The following DNMT3A variants were observed in gnomAD, a reference collection of about 807,000 sequenced individuals.
DNMT3A encodes the protein DNA (cytosine-5)-methyltransferase 3A.
Under a neutral mutation model 117.6 loss-of-function variants are expected in DNMT3A, and 267 were observed. The ratio of observed to expected loss-of-function variants is 2.27; its 90% CI spans 2.05 to 2.51. The LOEUF (loss-of-function observed/expected upper bound fraction) is 2.51, where lower values mean the gene tolerates loss of function less well. Ranked by LOEUF, DNMT3A falls within the 30% of genes most tolerant of loss-of-function variation. The pLI, the probability that DNMT3A is intolerant of heterozygous loss-of-function variation, is 0.00. For synonymous variants in DNMT3A, 432 were observed against 474.8 expected (o/e 0.91, Z 1.17); for missense variants, 1,029 against 1,260.2 (o/e 0.82, Z 2.78).
In DNMT3A at chr2:25,313,751, C is replaced by T. The variant is rs75195324; in HGVS notation, c.72+162G>A. Reference sequence around the variant, plus strand: ...CCAGAATTGAACCTCTGCAAGCCTCCGTTTCCTCATCACCCAAACAGGGAT... The same window carrying T: ...CCAGAATTGAACCTCTGCAAGCCTCTGTTTCCTCATCACCCAAACAGGGAT... On this transcript the variant is annotated intron_variant, in intron 2 of 22. Coordinates refer to ENST00000321117, the MANE Select transcript of DNMT3A (RefSeq NM_022552.5). 5.7e-3 allele frequency among the ~76,000 whole-genome samples: 869 copies of T among 152,336 alleles called. 14 individuals carry two copies. The highest frequency in any genetic ancestry group is 0.02 in the African/African-American group (825 of 41,572).
rs1675706980 is a variant in DNMT3A, at chr2:25,252,513, T to C, written c.640-4261A>G. Among the ~76,000 whole-genome samples, 1 of 151,216 alleles carries C rather than the reference T, an allele frequency of 6.6e-6. No individual in the cohort carries two copies. Among genetic ancestry groups the C allele is most frequent in the African/African-American group, 2.4e-5 (1 of 41,100 alleles). On this transcript the variant is annotated intron_variant, in intron 6 of 22. Transcript: ENST00000321117. The surrounding 1 kb of genome is among the most constrained non-coding windows in gnomAD (Gnocchi z 5.5). Reference sequence around the variant, plus strand: ...GGCGCGGGGCCGGGGGGCGAGGCCGTTCCCCGCCCGTTCCCAGGGCCCGCC... The same window carrying C: ...GGCGCGGGGCCGGGGGGCGAGGCCGCTCCCCGCCCGTTCCCAGGGCCCGCC...
intron 6 of DNMT3A, among the ~76,000 whole-genome samples, chr2:25,274,191 T>C (rs2031196912): frequency 6.6e-6 from 1 of 152,198 alleles, no homozygotes; most frequent in Non-Finnish European, 1.5e-5. Context: ...GCCAGACCCC[T>C]GTGAGTCCTC....
At position 25,281,025 on chromosome 2, in the gene DNMT3A, G is replaced by C. The variant is rs2031853113; in HGVS notation, c.448+1416C>G. 6.6e-6 allele frequency among the ~76,000 whole-genome samples: 1 copy of C among 152,140 alleles called. No individual in the cohort carries two copies. The highest frequency in any genetic ancestry group is 2.1e-4 in the South Asian group (1 of 4,828). On this transcript the variant is annotated intron_variant, in intron 4 of 22. Coordinates refer to ENST00000321117, the MANE Select transcript of DNMT3A (RefSeq NM_022552.5). This position sits in a 1 kb window ranked among gnomAD's most constrained non-coding sequence, Gnocchi z 4.8. ...ACATTTGGAAGGGCAGGGCTGATGG[G>C]TTCTCTCACACACCTGGCATTGTTA...
chr2:25,300,726 TA>T (rs2033437209), intron 2 of DNMT3A, among the ~76,000 whole-genome samples: 1 of 23,708 alleles, frequency 4.2e-5, no homozygotes, highest in African/African-American at 2.0e-4. Context: ...TATATATATA[TA>T]TATATATATA....
chr2:25,265,963 G>A (rs1163107594), intron 6 of DNMT3A, among the ~76,000 whole-genome samples: 1 of 152,198 alleles, frequency 6.6e-6, no homozygotes, highest in Non-Finnish European at 1.5e-5. Context: ...CTGTGGCCAG[G>A]AGTTGGCCCT....
rs2033207186 is a variant in DNMT3A, at chr2:25,298,162, G to A, written c.177+1977C>T. Reference sequence around the variant, plus strand: ...GAGGTTCAGGCAGCAGCAGTTCAAGGTTACACAGGTGGTCAGTGGTGGAGC... The same window carrying A: ...GAGGTTCAGGCAGCAGCAGTTCAAGATTACACAGGTGGTCAGTGGTGGAGC... On this transcript the variant is annotated intron_variant, in intron 3 of 22. Transcript: ENST00000321117. The surrounding 1 kb of genome is among the most constrained non-coding windows in gnomAD (Gnocchi z 4.3). 6.6e-6 allele frequency among the ~76,000 whole-genome samples: 1 copy of A among 152,224 alleles called. No individual in the cohort carries two copies. Among genetic ancestry groups the A allele is most frequent in the African/African-American group, 2.4e-5 (1 of 41,460 alleles).
chr2:25,288,487 T>C (rs1386978289), intron 3 of DNMT3A, among the ~76,000 whole-genome samples: 1 of 151,980 alleles, frequency 6.6e-6, no homozygotes, highest in East Asian at 2.0e-4. Context: ...AACTTTTGTA[T>C]TTTTAGTAGA....
At chr2:25,240,782 A>G (rs1484109855) in intron 17 of DNMT3A, 52 bp from the exon 18 acceptor site, 1 of 1,559,798 alleles carries the variant, frequency 6.4e-7, no homozygotes, top group South Asian at 1.1e-5. Flanking sequence ...ACAGAGGCAG[A>G]CAGGAAGAAA....
intron 17 of DNMT3A, 56 bp downstream of exon 17, chr2:25,241,506 A>G: frequency 6.4e-7 from 1 of 1,561,384 alleles, no homozygotes; most frequent in Non-Finnish European, 8.7e-7. Context: ...GGCTGCCTCC[A>G]GGTGCTGAGT....
At chr2:25,319,175 C>A (rs868550508) in intron 1 of DNMT3A, among the ~76,000 whole-genome samples, 6 of 151,166 alleles carry the variant, frequency 4.0e-5, no homozygotes, top group South Asian at 2.1e-4. Flanking sequence ...CCACCACACC[C>A]GGCTAATTTT....
Position 25,293,004 on chromosome 2 carries a change from A to C in DNMT3A, c.177+7135T>G, listed in dbSNP as rs1428874980. Among the ~76,000 whole-genome samples the C allele has an allele frequency of 6.6e-6, 1 of 150,850 alleles. No homozygotes were observed. The highest frequency in any genetic ancestry group is 2.4e-5 in the African/African-American group (1 of 40,998). On this transcript the variant is annotated intron_variant, in intron 3 of 22. Coordinates refer to ENST00000321117, the MANE Select transcript of DNMT3A (RefSeq NM_022552.5). This position sits in a 1 kb window ranked among gnomAD's most constrained non-coding sequence, Gnocchi z 4.7. Reference sequence around the variant, plus strand: ...AGAGATGAAAATAAACAGAGGGATTATTTTTGGAAAAAAAAAAAAAGGAGA... The same window carrying C: ...AGAGATGAAAATAAACAGAGGGATTCTTTTTGGAAAAAAAAAAAAAGGAGA...
rs1158596045 is a variant in DNMT3A, at chr2:25,337,918, G to T, written c.-178+3908C>A. ...AGAAACCCAGCCTCAGGCCAGGTGG[G>T]CTTCTGACGGGCTCTCTGCTCACAT... On this transcript the variant is annotated intron_variant, in intron 1 of 22. Coordinates refer to ENST00000321117, the MANE Select transcript of DNMT3A (RefSeq NM_022552.5). The surrounding 1 kb of genome is among the most constrained non-coding windows in gnomAD (Gnocchi z 5.0). 6.6e-6 allele frequency among the ~76,000 whole-genome samples: 1 copy of T among 152,182 alleles called. No homozygotes were observed. The highest frequency in any genetic ancestry group is 1.5e-5 in the Non-Finnish European group (1 of 68,036).
intron 1 of DNMT3A, among the ~76,000 whole-genome samples, chr2:25,331,395 T>C (rs1043492940): frequency 6.6e-6 from 1 of 152,244 alleles, no homozygotes; most frequent in African/African-American, 2.4e-5. Context: ...TTTTTGCTTC[T>C]TTTCTGTTTG....
rs2276598 is a variant in DNMT3A at position 25,246,633 on chromosome 2, C to T, written c.1266G>A (p.Leu422=). ...GCCCTCATTTACCTTCTGGTGGCTC[C>T]AGGCCCTTAGGGCCAGAAGGCTGGA... is the stretch of plus-strand genomic sequence containing the variant. ...GGFQPSGPKG[L]EPPEEEKNPY... is the part of the protein sequence containing the mutation. The change falls in exon 10 of 23, where the codon CTG becomes CTA. Residue 422 remains leucine (L), a synonymous_variant. Coordinates refer to ENST00000321117, the MANE Select transcript of DNMT3A (RefSeq NM_022552.5). 276,471 of 1,612,420 alleles carry T rather than the reference C, an allele frequency of 0.17. 25,280 individuals carry two copies. Among genetic ancestry groups the T allele is most frequent in the African/African-American group, 0.3 (22,110 of 74,942 alleles).
In DNMT3A at chr2:25,252,838, C is replaced by T. The variant is rs1675758695; in HGVS notation, c.640-4586G>A. 2.6e-5 allele frequency among the ~76,000 whole-genome samples: 4 copies of T among 151,826 alleles called. No homozygotes were observed. The South Asian group carries it at 8.3e-4, about 32-fold the overall frequency. Reference sequence around the variant, plus strand: ...GCTGTAGGAAAACTCAGCACACAGACGGAGAGTGACAGCAGGCGCGCGCAG... The same window carrying T: ...GCTGTAGGAAAACTCAGCACACAGATGGAGAGTGACAGCAGGCGCGCGCAG... On this transcript the variant is annotated intron_variant, in intron 6 of 22. Coordinates refer to ENST00000321117, the MANE Select transcript of DNMT3A (RefSeq NM_022552.5). The surrounding 1 kb of genome is among the most constrained non-coding windows in gnomAD (Gnocchi z 5.5).
intron 1 of DNMT3A, among the ~76,000 whole-genome samples, chr2:25,326,124 G>A (rs1573500388): frequency 4.6e-5 from 7 of 151,328 alleles, no homozygotes; most frequent in Admixed American, 2.0e-4. Context: ...GTGTGTGTGT[G>A]TGTGTGTGTG....
chr2:25,317,485 G>A (rs905678244), intron 1 of DNMT3A, among the ~76,000 whole-genome samples: 3 of 152,198 alleles, frequency 2.0e-5, no homozygotes, highest in Admixed American at 6.5e-5. Flanking sequence ...GCGTGTGAAC[G>A]CTGATATATA....
At position 25,241,672 on chromosome 2, in the gene DNMT3A, C is replaced by A; in HGVS notation, c.1972G>T (p.Asp658Tyr). ...CACACCTCCGAGGCAATGTAGCGGT[C>A]CACCTGAATGCCCAAGTCCTTCAGC... ...LVLKDLGIQV[D>Y]RYIASEVCED... Residue 658 changes from aspartate (D) to tyrosine (Y), a missense_variant, in exon 17 of 23, where the codon GAC becomes TAC. Coordinates refer to ENST00000321117, the MANE Select transcript of DNMT3A (RefSeq NM_022552.5). 2 of 1,614,116 alleles carry A rather than the reference C, an allele frequency of 1.2e-6. No individual in the cohort carries two copies. The highest frequency in any genetic ancestry group is 1.7e-6 in the Non-Finnish European group (2 of 1,179,982).
At chr2:25,245,185 GAC>G (rs549937529) in intron 13 of DNMT3A, 66 bp downstream of exon 13, 766 of 1,480,784 alleles carry the variant, frequency 5.2e-4, no homozygotes, top group Non-Finnish European at 6.5e-4. Flanking sequence ...AGAAGCGGTG[GAC>G]ACAGTCAGCC....
Sources: gnomAD v4.1 joint callset for allele counts (sites outside exome capture counted in the v4.1 genomes callset) on GRCh38, gnomAD v4.1.1 for gene constraint, Gnocchi (gnomAD v3.1) non-coding constraint, MANE v1.5 for transcripts, NCBI Gene and HGNC (gene_info 2026-07-23, HGNC 2026-07-21) for gene names.